The following ROBO1 variants were observed in gnomAD, a reference collection of about 807,000 sequenced individuals.
The protein encoded by ROBO1 is roundabout homolog 1.
Under a neutral mutation model 195.9 loss-of-function variants are expected in ROBO1, and 149 were observed. The ratio of observed to expected loss-of-function variants is 0.76; its 90% confidence interval spans 0.67 to 0.87. The LOEUF is 0.87. Ranked by LOEUF, ROBO1 falls within the 40% of genes least tolerant of loss-of-function variation. The pLI is 0.00. For synonymous variants in ROBO1, 816 were observed against 733.2 expected, an observed-to-expected ratio of 1.11 and a Z score of -1.82; for missense variants, 1,933 against 2,068.3, an observed-to-expected ratio of 0.93 and a Z score of 1.27.
chr3:78,871,439 G>T (rs1477547283), intron 4 of ROBO1, among the ~76,000 whole-genome samples: 2 of 152,070 alleles, frequency 1.3e-5, no homozygotes, highest in African/African-American at 4.8e-5. Flanking sequence ...GAAAAACGGA[G>T]CTTTCTGATC....
intron 1 of ROBO1, among the ~76,000 whole-genome samples, chr3:79,695,090 AAAG>A (rs1346269348): frequency 1.3e-5 from 2 of 151,694 alleles, no homozygotes; most frequent in African/African-American, 2.4e-5. Flanking sequence ...CATTCAAGGA[AAAG>A]AAGGAGATGG....
At chr3:79,110,551 A>G (rs1049138327) in intron 3 of ROBO1, among the ~76,000 whole-genome samples, 8 of 150,820 alleles carry the variant, frequency 5.3e-5, no homozygotes, top group Admixed American at 1.3e-4. Context: ...TGGCCACAGG[A>G]TCTCAAGAAT....
Position 79,661,209 on chromosome 3 carries a change from A to G in ROBO1, c.-50-71248T>C, listed in dbSNP as rs1415883938. On this transcript the variant is annotated intron_variant, in intron 1 of 30. Transcript: ENST00000464233. ...AGAATTACCTTTGCTTCAGAGATCC[A>G]CTCCATGGTAGATCATGCACATTCT... Among the ~76,000 whole-genome samples, 3 of 151,886 alleles carry G rather than the reference A, an allele frequency of 2.0e-5. No homozygotes were observed. In the East Asian group the frequency reaches 5.8e-4, roughly 30 times the overall value.
intron 1 of ROBO1, among the ~76,000 whole-genome samples, chr3:79,707,900 ATAAC>A (rs1159537279): frequency 6.6e-6 from 1 of 152,222 alleles, no homozygotes; most frequent in Non-Finnish European, 1.5e-5. Flanking sequence ...AAAAATATAA[ATAAC>A]TAATCTTTAA....
intron 1 of ROBO1, among the ~76,000 whole-genome samples, chr3:79,610,062 G>A (rs993618443): frequency 1.3e-4 from 19 of 151,686 alleles, no homozygotes; most frequent in African/African-American, 4.6e-4. Context: ...ATATAAATTA[G>A]CTATTTATAT....
chr3:79,113,849 G>T (rs912533875), intron 3 of ROBO1, among the ~76,000 whole-genome samples: 2 of 152,154 alleles, frequency 1.3e-5, no homozygotes, highest in East Asian at 3.9e-4. Context: ...TAACTCTTTG[G>T]CTTTTAGATC....
At chr3:79,224,747 T>C (rs532511780) in intron 2 of ROBO1, among the ~76,000 whole-genome samples, 1 of 152,358 alleles carries the variant, frequency 6.6e-6, no homozygotes, top group Non-Finnish European at 1.5e-5. Flanking sequence ...AACTCGTTCA[T>C]TTAGCAATTA....
intron 4 of ROBO1, among the ~76,000 whole-genome samples, chr3:78,804,551 T>G (rs2084471405): frequency 6.6e-6 from 1 of 152,058 alleles, no homozygotes; most frequent in South Asian, 2.1e-4. Context: ...TTTATTAAAC[T>G]CACTGCACCT....
chr3:78,602,020 T>G (rs1471578512), intron 29 of ROBO1, among the ~76,000 whole-genome samples: 1 of 140,402 alleles, frequency 7.1e-6, no homozygotes, highest in Admixed American at 7.7e-5. Context: ...TATACATATA[T>G]GTATGTATAT....
chr3:79,434,776 T>C (rs373167187), intron 2 of ROBO1, among the ~76,000 whole-genome samples: 30 of 152,214 alleles, frequency 2.0e-4, no homozygotes, highest in African/African-American at 6.5e-4. Flanking sequence ...ATGTTTATTG[T>C]GGCACTATTC....
chr3:79,363,904 C>T (rs928726792), intron 2 of ROBO1, among the ~76,000 whole-genome samples: 2 of 152,192 alleles, frequency 1.3e-5, no homozygotes, highest in South Asian at 2.1e-4. Context: ...ACCATATAGA[C>T]CACGGTCCAA....
rs76912376 is a variant in ROBO1 at position 79,299,848 on chromosome 3, A to C, written c.89-174309T>G. Reference sequence around the variant, plus strand: ...TTAAATATCAACTCAAGAAACACTAAAAAAAAAAAAAATTGGCTCCAGAAA... The same window carrying C: ...TTAAATATCAACTCAAGAAACACTACAAAAAAAAAAAATTGGCTCCAGAAA... On this transcript the variant is annotated intron_variant, in intron 2 of 30. Coordinates refer to ENST00000464233, the MANE Select transcript of ROBO1 (RefSeq NM_002941.4). 1.6e-3 allele frequency among the ~76,000 whole-genome samples: 234 copies of C among 148,424 alleles called. 3 individuals are homozygous for C. The East Asian group carries it at 0.034, about 21-fold the overall frequency.
intron 2 of ROBO1, among the ~76,000 whole-genome samples, chr3:79,377,819 A>ACGGT: frequency 6.6e-6 from 1 of 152,260 alleles, no homozygotes; most frequent in South Asian, 2.1e-4. Flanking sequence ...TGTGAGTGAT[A>ACGGT]CGGTCGTGCT....
intron 3 of ROBO1, among the ~76,000 whole-genome samples, chr3:78,991,552 C>G (rs2077238104): frequency 6.6e-6 from 1 of 152,078 alleles, no homozygotes; most frequent in Non-Finnish European, 1.5e-5. Flanking sequence ...TGAAACTGAA[C>G]AAACTACCAG....
In ROBO1 at chr3:78,938,854, T is replaced by C. The variant is rs777340148; in HGVS notation, c.246A>G (p.Gly82=). The change falls in exon 4 of 31, where the codon GGA becomes GGG. Residue 82 remains glycine (G), a synonymous_variant. Transcript: ENST00000464233. ...EHPSDLIVSK[G]EPATLNCKAE... ...CTTTGCAGTTCAAAGTTGCAGGTTC[T>C]CCTTTTGAGACAATCAGGTCTGAAG... 7.4e-6 allele frequency: 12 copies of C among 1,613,924 alleles called. No homozygotes were observed. Among genetic ancestry groups the C allele is most frequent in the Non-Finnish European group, 4.2e-6 (5 of 1,179,902 alleles).
intron 3 of ROBO1, among the ~76,000 whole-genome samples, chr3:79,028,397 A>G (rs1279962787): frequency 6.6e-6 from 1 of 152,038 alleles, no homozygotes; most frequent in South Asian, 2.1e-4. Flanking sequence ...CAGACATAAA[A>G]TATTCTTTAA....
At chr3:79,671,968 A>G (rs1045761372) in intron 1 of ROBO1, among the ~76,000 whole-genome samples, 1 of 151,976 alleles carries the variant, frequency 6.6e-6, no homozygotes, top group Non-Finnish European at 1.5e-5. Context: ...CAACCTAATC[A>G]TGAAATCCTA....
At chr3:79,750,145 G>A (rs1327192500) in intron 1 of ROBO1, among the ~76,000 whole-genome samples, 2 of 152,208 alleles carry the variant, frequency 1.3e-5, no homozygotes, top group African/African-American at 4.8e-5. Flanking sequence ...AGTCAAAGGA[G>A]ATCATTTTGG....
intron 4 of ROBO1, among the ~76,000 whole-genome samples, chr3:78,893,132 C>T (rs2107387201): frequency 1.3e-5 from 2 of 152,252 alleles, no homozygotes. Flanking sequence ...GTCATAGATT[C>T]GTTGCTAGGC....
Sources: gnomAD v4.1 joint callset for allele counts (sites outside exome capture counted in the v4.1 genomes callset) on GRCh38, gnomAD v4.1.1 for gene constraint, MANE v1.5 for transcripts, NCBI Gene and HGNC (gene_info 2026-07-23, HGNC 2026-07-21) for gene names.